Variants in TNRC6B observed in about 807,000 individuals in gnomAD.
The protein encoded by TNRC6B is trinucleotide repeat containing adaptor 6B.
Under a neutral mutation model 203.6 loss-of-function variants are expected in TNRC6B, and 52 were observed. The observed-to-expected ratio is 0.26, with a 90% CI of 0.20 to 0.32. The LOEUF (loss-of-function observed/expected upper bound fraction) is 0.32. TNRC6B is among the 10% of genes least tolerant of loss of function. TNRC6B has a pLI of 1.00. For synonymous variants in TNRC6B, 838 were observed against 845.7 expected (o/e 0.99, Z 0.16); for missense variants, 1,923 against 2,286.2 (o/e 0.84, Z 3.24).
chr22:40,165,299 C>G (rs1185695138), intron 4 of TNRC6B, among the ~76,000 whole-genome samples: 2 of 152,012 alleles, frequency 1.3e-5, no homozygotes, highest in Non-Finnish European at 2.9e-5. Flanking sequence ...ACTTTAGCCT[C>G]TGGAGTAGCT....
chr22:40,074,873 G>A (rs1407821277), intron 1 of TNRC6B, among the ~76,000 whole-genome samples: 1 of 151,990 alleles, frequency 6.6e-6, no homozygotes. Flanking sequence ...TGGGAGGATT[G>A]CTTGAGCCTG....
At chr22:40,140,040 A>G (rs1388130812) in intron 3 of TNRC6B, among the ~76,000 whole-genome samples, 1 of 152,226 alleles carries the variant, frequency 6.6e-6, no homozygotes, top group East Asian at 1.9e-4. Context: ...GTCATGGTTC[A>G]TACATTTCCA....
chr22:40,335,244 G>A lies in TNRC6B; in HGVS notation c.*12003G>A, dbSNP rs1352851278. 2 of 135,678 alleles carry A rather than the reference G, an allele frequency of 1.5e-5. No homozygotes were observed. Among genetic ancestry groups the A allele is most frequent in the Non-Finnish European group, 3.1e-5 (2 of 65,402 alleles). 8.4% of individuals were successfully genotyped at this position (135,678 alleles called of 1,614,324 possible). On this transcript the variant is annotated 3_prime_UTR_variant, in exon 23 of 23. Transcript: ENST00000454349. ...GTTGAAATTGCTCCTCATATTACTGGTTTTACATGGACACAGAAACTAGGC... is the reference window on the plus strand; with the variant it reads ...GTTGAAATTGCTCCTCATATTACTGATTTTACATGGACACAGAAACTAGGC...
At chr22:40,073,055 AGTT>A (rs2067966582) in intron 1 of TNRC6B, among the ~76,000 whole-genome samples, 1 of 151,462 alleles carries the variant, frequency 6.6e-6, no homozygotes, top group Admixed American at 6.6e-5. Context: ...TTCAGTCTCA[AGTT>A]GTTTGGTCAA....
rs1410652104 is a variant in TNRC6B, at chr22:40,251,159, T to A, written c.94-20T>A. The A allele has an allele frequency of 6.5e-7, 1 of 1,530,256 alleles. No individual in the cohort carries two copies. The highest frequency in any genetic ancestry group is 2.1e-5 in the Admixed American group (1 of 48,386). The allele number at this position is 1,530,256 out of a possible 1,614,324, so 94.8% of individuals were successfully genotyped here. ...AATTAAAAAGCAAATCTCATTTACTTTTATCTGTTTATTTTGCAGGTCACG... is the reference window on the plus strand; with the variant it reads ...AATTAAAAAGCAAATCTCATTTACTATTATCTGTTTATTTTGCAGGTCACG... On this transcript the variant is annotated intron_variant, in intron 2 of 22. Coordinates refer to ENST00000454349, the MANE Select transcript of TNRC6B (RefSeq NM_001162501.2).
intron 3 of TNRC6B, among the ~76,000 whole-genome samples, chr22:40,131,053 G>C (rs916597476): frequency 7.3e-5 from 11 of 151,544 alleles, no homozygotes; most frequent in Admixed American, 5.9e-4. Context: ...ACAGGCGCCT[G>C]CCGCCACGCC....
chr22:40,309,668 A>T (rs2071145921), intron 16 of TNRC6B, among the ~76,000 whole-genome samples: 1 of 152,230 alleles, frequency 6.6e-6, no homozygotes, highest in South Asian at 2.1e-4. Context: ...AAGACATGAT[A>T]GGTGCATGAT....
intron 1 of TNRC6B, among the ~76,000 whole-genome samples, chr22:40,182,118 G>A (rs1197042299): frequency 6.6e-6 from 1 of 152,044 alleles, no homozygotes. Flanking sequence ...GGTGGCGCCT[G>A]CCTGTAATCC....
intron 3 of TNRC6B, among the ~76,000 whole-genome samples, chr22:40,133,369 C>T (rs1001940089): frequency 2.6e-5 from 4 of 152,026 alleles, no homozygotes; most frequent in Non-Finnish European, 2.9e-5. Flanking sequence ...ATTTATTGGG[C>T]ACCTACTAGT....
intron 1 of TNRC6B, among the ~76,000 whole-genome samples, chr22:40,066,567 A>G (rs1319390799): frequency 1.3e-5 from 2 of 152,134 alleles, no homozygotes; most frequent in Non-Finnish European, 2.9e-5. Flanking sequence ...AGCTCAGTGT[A>G]ATAAGGCAGC....
intron 12 of TNRC6B, among the ~76,000 whole-genome samples, chr22:40,299,170 A>AAAAC (rs2070988848): frequency 6.6e-6 from 1 of 151,584 alleles, no homozygotes; most frequent in Non-Finnish European, 1.5e-5. Flanking sequence ...AAAAAAAAAA[A>AAAAC]AAAACAAAAC....
At chr22:40,062,868 G>A (rs562162322) in intron 1 of TNRC6B, among the ~76,000 whole-genome samples, 1 of 151,638 alleles carries the variant, frequency 6.6e-6, no homozygotes, top group East Asian at 1.9e-4. Flanking sequence ...TCCCTTTTTA[G>A]ACACGTTTTG....
At chr22:40,224,673 G>A (rs948067242) in intron 1 of TNRC6B, among the ~76,000 whole-genome samples, 1 of 152,186 alleles carries the variant, frequency 6.6e-6, no homozygotes, top group Admixed American at 6.5e-5. Flanking sequence ...TCAGCCACAG[G>A]TTTTTCAAAT....
intron 16 of TNRC6B, among the ~76,000 whole-genome samples, 180 bp from the exon 17 acceptor site, chr22:40,310,634 CTTG>C (rs995842879): frequency 4.6e-5 from 7 of 152,132 alleles, no homozygotes; most frequent in South Asian, 2.1e-4. Context: ...GGCGAAATGA[CTTG>C]TTGTTGGTCA....
intron 3 of TNRC6B, among the ~76,000 whole-genome samples, chr22:40,137,962 A>G (rs2068613999): frequency 6.6e-6 from 1 of 150,472 alleles, no homozygotes; most frequent in African/African-American, 2.4e-5. Context: ...CAGCCTGGAC[A>G]ACAAAGCTAG....
chr22:40,242,747 C>T (rs939961077), intron 1 of TNRC6B, among the ~76,000 whole-genome samples: 3 of 151,764 alleles, frequency 2.0e-5, no homozygotes, highest in African/African-American at 7.3e-5. Context: ...TCTTAATATA[C>T]TTAAATAGTC....
At chr22:40,311,338 G>A (rs1032727655) in intron 17 of TNRC6B, among the ~76,000 whole-genome samples, 10 of 152,224 alleles carry the variant, frequency 6.6e-5, no homozygotes, top group Admixed American at 1.3e-4. Flanking sequence ...AGTAGCGATT[G>A]CAATGAGATT....
rs933948168 is a variant in TNRC6B at position 40,068,597 on chromosome 22, C to T, written c.-121+23599C>T. Among the ~76,000 whole-genome samples the T allele has an allele frequency of 2.8e-4, 42 of 151,946 alleles. 1 individual carries two copies. Among genetic ancestry groups the T allele is most frequent in the African/African-American group, 8.9e-4 (37 of 41,376 alleles). ...CCTCCTGAAGTGCTGGGATTACAGG[C>T]GTGAGCCACCGCGCCTGGCCTCTTG... On this transcript the variant is annotated intron_variant, in intron 1 of 23. Transcript: ENST00000301923.
intron 1 of TNRC6B, among the ~76,000 whole-genome samples, chr22:40,244,446 G>T (rs961971834): frequency 1.3e-5 from 2 of 151,712 alleles, no homozygotes; most frequent in African/African-American, 4.8e-5. Context: ...CAACATGTAG[G>T]TAAAAAAGTT....
Sources: gnomAD v4.1 joint callset for allele counts (sites outside exome capture counted in the v4.1 genomes callset) on GRCh38, gnomAD v4.1.1 for gene constraint, MANE v1.5 for transcripts, NCBI Gene and HGNC (gene_info 2026-07-23, HGNC 2026-07-21) for gene names.